SGMS1: variants seen among roughly 807,000 people sequenced by gnomAD.
SGMS1 encodes phosphatidylcholine:ceramide cholinephosphotransferase 1.
Under a neutral mutation model 46.2 loss-of-function variants are expected in SGMS1, and 13 were observed. The ratio of observed to expected loss-of-function variants is 0.28; its 90% CI spans 0.18 to 0.45. The LOEUF is 0.45. Ranked by LOEUF, SGMS1 falls within the 20% of genes least tolerant of loss-of-function variation. The probability of loss-of-function intolerance (pLI) is 1.00; values close to 1 mark genes in which losing one functional copy is unlikely to be tolerated. For missense variants in SGMS1, 324 were observed against 519.9 expected (o/e 0.62, Z 3.66); for synonymous variants, 203 against 187.8 (o/e 1.08, Z -0.66).
intron 4 of SGMS1, among the ~76,000 whole-genome samples, chr10:50,463,616 GCAGTTCCTGAAAA>G (rs1394814582): frequency 6.6e-6 from 1 of 152,186 alleles, no homozygotes; most frequent in Non-Finnish European, 1.5e-5. Context: ...ATAAAGTCTG[GCAGTTCCTGAAAA>G]CATTAAGAAT....
intron 6 of SGMS1, among the ~76,000 whole-genome samples, chr10:50,361,539 C>A (rs1420835263): frequency 1.3e-5 from 2 of 152,134 alleles, no homozygotes; most frequent in African/African-American, 4.8e-5. Flanking sequence ...TTTTAAGGGG[C>A]AAAAATAAAC....
chr10:50,343,611 T>A lies in SGMS1; in HGVS notation c.504A>T (p.Pro168=). 1.2e-6 allele frequency: 2 copies of A among 1,614,120 alleles called. No individual in the cohort carries two copies. Among genetic ancestry groups the A allele is most frequent in the Non-Finnish European group, 1.7e-6 (2 of 1,180,006 alleles). Residue 168 remains proline (P), a synonymous_variant, in exon 7 of 11, where the codon CCA becomes CCT. Coordinates refer to ENST00000361781, the MANE Select transcript of SGMS1 (RefSeq NM_147156.4). ...AATGGTCAAAAAATGTGTCCGGTAG[T>A]GGAGGCTGCACCTCCTTAGGAGGTA... ...ERVPPKEVQP[P]LPDTFFDHFN...
intron 6 of SGMS1, among the ~76,000 whole-genome samples, chr10:50,373,778 C>A (rs1231745660): frequency 2.0e-5 from 3 of 152,072 alleles, no homozygotes; most frequent in Non-Finnish European, 2.9e-5. Context: ...CTAGAAATAC[C>A]CAACAATGGC....
rs773593436 is a variant in SGMS1 at position 50,343,677 on chromosome 10, G to A, written c.438C>T (p.Phe146=). ...FLAFLYALSC[F]VLTTVMISVV... is the part of the protein sequence containing the mutation. Reference sequence around the variant, plus strand: ...CCGAGATCATCACTGTGGTGAGAACGAAACAGGAAAGTGCATAAAGAAAGG... The same window carrying A: ...CCGAGATCATCACTGTGGTGAGAACAAAACAGGAAAGTGCATAAAGAAAGG... The change falls in exon 7 of 11, where the codon TTC becomes TTT. Residue 146 remains phenylalanine (F), a synonymous_variant. Coordinates refer to ENST00000361781, the MANE Select transcript of SGMS1 (RefSeq NM_147156.4). The A allele has an allele frequency of 1.5e-5, 24 of 1,614,126 alleles. No individual in the cohort carries two copies. Among genetic ancestry groups the A allele is most frequent in the Middle Eastern group, 1.6e-4 (1 of 6,062 alleles).
chr10:50,508,616 G>T (rs944756584), intron 3 of SGMS1, among the ~76,000 whole-genome samples: 5 of 152,144 alleles, frequency 3.3e-5, no homozygotes, highest in Non-Finnish European at 7.3e-5. Flanking sequence ...CTCCAACAGC[G>T]GAGTTTGTTT....
At chr10:50,409,090 C>T (rs1487460728) in intron 6 of SGMS1, among the ~76,000 whole-genome samples, 7 of 152,038 alleles carry the variant, frequency 4.6e-5, no homozygotes, top group South Asian at 2.1e-4. Flanking sequence ...AGAATTATTG[C>T]TTTATTTTTC....
intron 6 of SGMS1, among the ~76,000 whole-genome samples, chr10:50,363,178 T>A (rs1439986245): frequency 6.6e-6 from 1 of 152,140 alleles, no homozygotes; most frequent in Non-Finnish European, 1.5e-5. Flanking sequence ...AGATTTTCTT[T>A]TTTAAAAAAA....
intron 2 of SGMS1, among the ~76,000 whole-genome samples, chr10:50,564,127 C>T (rs969035749): frequency 2.6e-5 from 4 of 152,198 alleles, no homozygotes; most frequent in African/African-American, 7.2e-5. Flanking sequence ...CATGACAACC[C>T]GAGAGACCAT....
At chr10:50,375,506 C>A (rs1848510802) in intron 6 of SGMS1, among the ~76,000 whole-genome samples, 2 of 152,084 alleles carry the variant, frequency 1.3e-5, no homozygotes, top group Admixed American at 1.3e-4. Flanking sequence ...ATTAGTTGGC[C>A]AAGGCACAAA....
At chr10:50,329,717 G>A (rs915742571) in intron 7 of SGMS1, among the ~76,000 whole-genome samples, 8 of 152,176 alleles carry the variant, frequency 5.3e-5, no homozygotes, top group African/African-American at 1.9e-4. Flanking sequence ...TAGAAATTAA[G>A]CAGATGCCAA....
intron 1 of SGMS1, among the ~76,000 whole-genome samples, chr10:50,618,421 G>T (rs1206048357): frequency 6.6e-6 from 1 of 152,168 alleles, no homozygotes; most frequent in Non-Finnish European, 1.5e-5. Flanking sequence ...AAGACAGGAT[G>T]AGATTAACAT....
chr10:50,619,523 T>C (rs931131401), intron 1 of SGMS1, among the ~76,000 whole-genome samples: 2 of 152,142 alleles, frequency 1.3e-5, no homozygotes, highest in African/African-American at 2.4e-5. Context: ...AAGGCTCCTC[T>C]GGGGGAGAGG....
At chr10:50,339,543 T>C (rs1847777021) in intron 7 of SGMS1, among the ~76,000 whole-genome samples, 1 of 152,236 alleles carries the variant, frequency 6.6e-6, no homozygotes, top group African/African-American at 2.4e-5. Context: ...CATATATTCA[T>C]TTACTGCCTC....
chr10:50,493,497 T>C (rs1465335571), intron 3 of SGMS1, among the ~76,000 whole-genome samples: 2 of 152,126 alleles, frequency 1.3e-5, no homozygotes, highest in Non-Finnish European at 2.9e-5. Context: ...CTAAAGAGCT[T>C]CTACATAGCA....
At chr10:50,437,934 T>G (rs1249621545) in intron 5 of SGMS1, among the ~76,000 whole-genome samples, 2 of 152,038 alleles carry the variant, frequency 1.3e-5, no homozygotes, top group Non-Finnish European at 2.9e-5. Flanking sequence ...AGCATGAGAG[T>G]TGCTTCCAAA....
intron 2 of SGMS1, among the ~76,000 whole-genome samples, chr10:50,550,079 C>T (rs1191766818): frequency 6.6e-6 from 1 of 152,214 alleles, no homozygotes; most frequent in African/African-American, 2.4e-5. Context: ...GATTCTGTGA[C>T]TTTCCAAACT....
At chr10:50,427,344 A>G (rs1285880567) in intron 6 of SGMS1, among the ~76,000 whole-genome samples, 3 of 152,230 alleles carry the variant, frequency 2.0e-5, no homozygotes, top group African/African-American at 7.2e-5. Flanking sequence ...GCTTGCAGTG[A>G]GCCGAGATGG....
intron 1 of SGMS1, among the ~76,000 whole-genome samples, chr10:50,620,656 C>A (rs895403464): frequency 6.6e-6 from 1 of 152,120 alleles, no homozygotes; most frequent in Non-Finnish European, 1.5e-5. Flanking sequence ...GAGGAAGGAA[C>A]AGACAGTGAT....
intron 6 of SGMS1, among the ~76,000 whole-genome samples, chr10:50,429,975 C>T (rs1849384755): frequency 6.6e-6 from 1 of 152,068 alleles, no homozygotes; most frequent in South Asian, 2.1e-4. Flanking sequence ...ATCAAAGACC[C>T]TCTATTTTCT....
Sources: allele counts gnomAD v4.1 joint callset (sites outside exome capture counted in the v4.1 genomes callset), GRCh38; gene constraint gnomAD v4.1.1; transcripts MANE v1.5; gene names NCBI Gene and HGNC (gene_info 2026-07-23, HGNC 2026-07-21).